The following PHACTR1 variants were observed in gnomAD, a reference collection of about 807,000 sequenced individuals.
PHACTR1 encodes the protein RPEL repeat containing 1.
A neutral mutation model predicts 69.2 loss-of-function variants in PHACTR1; 16 were observed. The observed-to-expected ratio is 0.23, with a 90% CI of 0.16 to 0.35. The LOEUF is 0.35. PHACTR1 is among the 10% of genes least tolerant of loss of function. The pLI is 1.00. For synonymous variants in PHACTR1, 312 were observed against 284.5 expected (o/e 1.10, Z -0.97); for missense variants, 510 against 734.7 (o/e 0.69, Z 3.54).
chr6:12,926,893 C>T (rs181562822), intron 4 of PHACTR1, among the ~76,000 whole-genome samples: 6 of 151,152 alleles, frequency 4.0e-5, no homozygotes, highest in Non-Finnish European at 8.8e-5. Context: ...TGCCTGGCCT[C>T]ATCTTTGAAG....
At chr6:13,200,870 G>C (rs564818152) in intron 7 of PHACTR1, among the ~76,000 whole-genome samples, 57 of 151,462 alleles carry the variant, frequency 3.8e-4, no homozygotes, top group African/African-American at 1.2e-3. Context: ...AACAACCCGG[G>C]AGCGGGAGGT....
intron 1 of PHACTR1, 72 bp downstream of exon 1, chr6:12,716,968 G>C (rs926909855): frequency 6.6e-6 from 1 of 151,942 alleles, no homozygotes; most frequent in Non-Finnish European, 1.5e-5. Context: ...GCCGGGGATG[G>C]GGGTTGTGGG....
chr6:13,045,996 GGCAT>G (rs1238408748), intron 4 of PHACTR1, among the ~76,000 whole-genome samples: 1 of 152,132 alleles, frequency 6.6e-6, no homozygotes, highest in African/African-American at 2.4e-5. Flanking sequence ...CTGTCATATA[GGCAT>G]GCACACACTA....
intron 4 of PHACTR1, among the ~76,000 whole-genome samples, chr6:12,882,273 A>T (rs1285308599): frequency 6.6e-6 from 1 of 152,176 alleles, no homozygotes; most frequent in Non-Finnish European, 1.5e-5. Context: ...ACTTGGCCTG[A>T]GAAGGGAGAG....
intron 4 of PHACTR1, among the ~76,000 whole-genome samples, chr6:12,981,319 C>T (rs1412484562): frequency 1.3e-5 from 2 of 152,206 alleles, no homozygotes; most frequent in Non-Finnish European, 2.9e-5. Context: ...GCCTCCCTTG[C>T]AAAGCAAGCT....
At chr6:13,019,490 T>A (rs956128616) in intron 4 of PHACTR1, among the ~76,000 whole-genome samples, 1 of 152,236 alleles carries the variant, frequency 6.6e-6, no homozygotes, top group African/African-American at 2.4e-5. Flanking sequence ...AATATCTGTT[T>A]CAGGCTCAGA....
chr6:12,964,575 G>A (rs1793192763), intron 4 of PHACTR1, among the ~76,000 whole-genome samples: 1 of 152,126 alleles, frequency 6.6e-6, no homozygotes, highest in Non-Finnish European at 1.5e-5. Flanking sequence ...TTGAACGAGA[G>A]GGTAGAGAGA....
At chr6:12,954,071 G>A (rs1336578060) in intron 4 of PHACTR1, among the ~76,000 whole-genome samples, 1 of 152,180 alleles carries the variant, frequency 6.6e-6, no homozygotes, top group African/African-American at 2.4e-5. Context: ...GTTGAGCTGG[G>A]CTTGAAAGAT....
At chr6:13,134,663 G>T (rs1017254041) in intron 5 of PHACTR1, among the ~76,000 whole-genome samples, 18 of 151,996 alleles carry the variant, frequency 1.2e-4, no homozygotes, top group African/African-American at 4.1e-4. Context: ...GGGGAAGGCC[G>T]CAGGGTCCTC....
chr6:12,919,423 G>C (rs554745021), intron 4 of PHACTR1, among the ~76,000 whole-genome samples: 4 of 152,328 alleles, frequency 2.6e-5, no homozygotes, highest in Non-Finnish European at 5.9e-5. Flanking sequence ...GTACAGGCAT[G>C]AGCCACCGTG....
chr6:13,091,765 C>T (rs184717036), intron 5 of PHACTR1, among the ~76,000 whole-genome samples: 9 of 152,218 alleles, frequency 5.9e-5, no homozygotes, highest in African/African-American at 1.7e-4. Context: ...AGCGGGCAAC[C>T]TAGATCCCTT....
At chr6:12,894,883 G>A (rs1485625289) in intron 4 of PHACTR1, among the ~76,000 whole-genome samples, 1 of 152,124 alleles carries the variant, frequency 6.6e-6, no homozygotes, top group African/African-American at 2.4e-5. Flanking sequence ...TTTTAATGTA[G>A]ATCCTTCCAT....
chr6:12,849,722 C>T (rs1779648502), intron 4 of PHACTR1, among the ~76,000 whole-genome samples: 1 of 152,102 alleles, frequency 6.6e-6, no homozygotes, highest in South Asian at 2.1e-4. Flanking sequence ...TAGAAGTTTT[C>T]CCGTCCCCCA....
chr6:13,278,464 A>C (rs1779424221), intron 12 of PHACTR1, 135 bp downstream of exon 12: 1 of 693,756 alleles, frequency 1.4e-6, no homozygotes, highest in African/African-American at 1.8e-5. Flanking sequence ...CCACTCTCTT[A>C]CTCTATAAGA....
intron 7 of PHACTR1, among the ~76,000 whole-genome samples, chr6:13,199,592 G>A (rs1042954499): frequency 6.6e-6 from 1 of 152,062 alleles, no homozygotes; most frequent in African/African-American, 2.4e-5. Flanking sequence ...AAATCAGCAA[G>A]AAGGCAGAAG....
chr6:12,967,716 G>A (rs1374726913), intron 4 of PHACTR1, among the ~76,000 whole-genome samples: 2 of 152,152 alleles, frequency 1.3e-5, no homozygotes, highest in South Asian at 2.1e-4. Flanking sequence ...AAGTGAAGCC[G>A]CATTTGATTC....
Position 13,067,131 on chromosome 6 carries a change from T to A in PHACTR1, c.415+13602T>A, listed in dbSNP as rs150636142. 2.1e-3 allele frequency among the ~76,000 whole-genome samples: 317 copies of A among 152,316 alleles called. 2 individuals carry two copies. Among genetic ancestry groups the A allele is most frequent in the African/African-American group, 7.5e-3 (312 of 41,576 alleles). ...ACACTGATGACAACAGCAGGAGCAA[T>A]CTTCTGTTGTGCTCTGCTCATATTA... On this transcript the variant is annotated intron_variant, in intron 5 of 14. Transcript: ENST00000332995.
chr6:12,957,885 G>C, intron 4 of PHACTR1: 2 of 985,456 alleles, frequency 2.0e-6, no homozygotes, highest in Non-Finnish European at 2.4e-6. Flanking sequence ...GCACCGAGAG[G>C]CTGCATGGGC....
At chr6:12,754,100 C>T (rs1370485737) in intron 4 of PHACTR1, among the ~76,000 whole-genome samples, 6 of 148,178 alleles carry the variant, frequency 4.0e-5, no homozygotes, top group African/African-American at 1.5e-4. Context: ...GTAGCTGGGA[C>T]TACAGGCACC....
Sources: allele counts gnomAD v4.1 joint callset (sites outside exome capture counted in the v4.1 genomes callset), GRCh38; gene constraint gnomAD v4.1.1; transcripts MANE v1.5; gene names NCBI Gene and HGNC (gene_info 2026-07-23, HGNC 2026-07-21).